Variants in CSMD3 observed in about 807,000 individuals in gnomAD.
CSMD3 encodes CUB and Sushi multiple domains 3.
CSMD3 carries 177 observed loss-of-function variants against 435.2 expected under a neutral mutation model. The observed-to-expected ratio is 0.41, with a 90% CI of 0.36 to 0.46. The LOEUF (loss-of-function observed/expected upper bound fraction) is 0.46, where lower values mean the gene tolerates loss of function less well. Ranked by LOEUF, CSMD3 falls within the 20% of genes least tolerant of loss-of-function variation. The pLI, the probability that CSMD3 is intolerant of heterozygous loss-of-function variation, is 0.34. For synonymous variants in CSMD3, 1,656 were observed against 1,520.5 expected (o/e 1.09, Z -2.07); for missense variants, 4,265 against 4,504.6 (o/e 0.95, Z 1.52).
chr8:113,222,750 T>A (rs575340834), intron 3 of CSMD3, among the ~76,000 whole-genome samples: 2 of 151,264 alleles, frequency 1.3e-5, no homozygotes, highest in African/African-American at 4.8e-5. Flanking sequence ...TTGACCTTTT[T>A]ATTTTAATCA....
intron 38 of CSMD3, among the ~76,000 whole-genome samples, chr8:112,372,185 T>C (rs1377321999): frequency 6.6e-6 from 1 of 151,854 alleles, no homozygotes; most frequent in African/African-American, 2.4e-5. Context: ...GCATGTCAAG[T>C]GGAGGAAATG....
chr8:113,308,738 A>T (rs751423613), intron 2 of CSMD3, among the ~76,000 whole-genome samples: 9 of 152,090 alleles, frequency 5.9e-5, no homozygotes, highest in Non-Finnish European at 1.0e-4. Context: ...TTTTAATGGC[A>T]TAGAAGTTAT....
intron 4 of CSMD3, among the ~76,000 whole-genome samples, chr8:113,164,186 T>A (rs1358234738): frequency 6.6e-6 from 1 of 152,020 alleles, no homozygotes; most frequent in Non-Finnish European, 1.5e-5. Flanking sequence ...CTTGGTTTCA[T>A]CTTACTCTCC....
chr8:112,775,026 C>T (rs1032227135), intron 13 of CSMD3, among the ~76,000 whole-genome samples: 1 of 151,828 alleles, frequency 6.6e-6, no homozygotes, highest in Non-Finnish European at 1.5e-5. Context: ...GGATTATACA[C>T]TGCTTTTTAT....
intron 1 of CSMD3, among the ~76,000 whole-genome samples, chr8:113,358,509 C>T (rs535545133): frequency 6.6e-6 from 1 of 152,100 alleles, no homozygotes; most frequent in Admixed American, 6.5e-5. Flanking sequence ...TATGCCACCA[C>T]GCTTAGCTAA....
intron 35 of CSMD3, among the ~76,000 whole-genome samples, chr8:112,404,034 T>C (rs1045410620): frequency 6.6e-6 from 1 of 152,060 alleles, no homozygotes; most frequent in Admixed American, 6.6e-5. Context: ...AAAAATGCAC[T>C]GTGAAATATG....
Position 112,383,655 on chromosome 8 carries a change from A to G in CSMD3, c.5943T>C (p.Val1981=). ...AATTATGTTCTGTAGCAAAGCTAAC[A>G]ACTTGCACCTGTGAAATAATAATTA... ...VPEGAGIQVQ[V]VSFATEHNWD... is the part of the protein sequence containing the mutation. The change falls in exon 37 of 71, where the codon GTT becomes GTC. Residue 1981 remains valine (V), a synonymous_variant. Transcript: ENST00000297405. The G allele has an allele frequency of 6.3e-7, 1 of 1,593,686 alleles. No homozygotes were observed. The highest frequency in any genetic ancestry group is 8.6e-7 in the Non-Finnish European group (1 of 1,161,494).
chr8:112,898,417 T>C (rs2082011568), intron 10 of CSMD3, among the ~76,000 whole-genome samples: 1 of 151,334 alleles, frequency 6.6e-6, no homozygotes, highest in Non-Finnish European at 1.5e-5. Flanking sequence ...CCAATTTTTA[T>C]GTTACTTGGG....
intron 23 of CSMD3, among the ~76,000 whole-genome samples, chr8:112,584,150 C>T (rs528996623): frequency 6.6e-6 from 1 of 151,714 alleles, no homozygotes; most frequent in Admixed American, 6.6e-5. Flanking sequence ...CTTGGAAGCA[C>T]TACAGTAAAA....
intron 13 of CSMD3, among the ~76,000 whole-genome samples, chr8:112,769,031 T>A (rs1217962668): frequency 6.6e-6 from 1 of 151,938 alleles, no homozygotes; most frequent in Non-Finnish European, 1.5e-5. Context: ...TCAAAGTTTA[T>A]ACATGTAAAA....
intron 45 of CSMD3, among the ~76,000 whole-genome samples, chr8:112,327,471 T>G (rs750441177): frequency 4.6e-5 from 7 of 152,320 alleles, no homozygotes; most frequent in East Asian, 1.9e-4. Flanking sequence ...TCATATAAAT[T>G]ATGTCATCTA....
chr8:112,644,366 C>T (rs4373545), intron 20 of CSMD3, among the ~76,000 whole-genome samples: 82,765 of 151,608 alleles, frequency 0.55, 24,079 homozygotes, highest in African/African-American at 0.76. Context: ...AGTAAGAAAA[C>T]GAATTATTAA....
At chr8:112,757,835 C>G (rs1292247433) in intron 13 of CSMD3, among the ~76,000 whole-genome samples, 52 of 151,318 alleles carry the variant, frequency 3.4e-4, no homozygotes, top group Admixed American at 3.0e-3. Context: ...AGGAGGATTG[C>G]TTGATCCCAA....
intron 3 of CSMD3, among the ~76,000 whole-genome samples, chr8:113,228,264 T>C (rs2093049287): frequency 6.6e-6 from 1 of 151,638 alleles, no homozygotes; most frequent in Non-Finnish European, 1.5e-5. Context: ...CACCTTCCCC[T>C]ATCTCTGCCT....
intron 9 of CSMD3, among the ~76,000 whole-genome samples, chr8:112,930,412 T>G (rs1052629221): frequency 1.3e-5 from 2 of 152,120 alleles, no homozygotes; most frequent in African/African-American, 4.8e-5. Flanking sequence ...CAGAAGACTG[T>G]GGCTCTATAT....
chr8:113,080,924 A>G (rs988889355), intron 5 of CSMD3, among the ~76,000 whole-genome samples: 4 of 152,186 alleles, frequency 2.6e-5, no homozygotes, highest in Non-Finnish European at 1.5e-5. Flanking sequence ...AAAAACTGCT[A>G]TATCTTCTAG....
intron 1 of CSMD3, among the ~76,000 whole-genome samples, chr8:113,366,580 G>A (rs368235622): frequency 6.6e-6 from 1 of 151,992 alleles, no homozygotes; most frequent in Non-Finnish European, 1.5e-5. Context: ...TCTTCATTTT[G>A]TCTTGTATCA....
At chr8:112,400,715 T>C (rs1451048969) in intron 35 of CSMD3, among the ~76,000 whole-genome samples, 1 of 152,188 alleles carries the variant, frequency 6.6e-6, no homozygotes, top group Non-Finnish European at 1.5e-5. Context: ...TAGTTCCTGG[T>C]GTTAGCTACT....
intron 3 of CSMD3, among the ~76,000 whole-genome samples, chr8:113,195,814 TAC>T (rs1015240509): frequency 8.4e-4 from 112 of 133,394 alleles, no homozygotes; most frequent in South Asian, 3.8e-3. Context: ...TATATATATA[TAC>T]ACACACACAC....
Sources: gnomAD v4.1 joint callset for allele counts (sites outside exome capture counted in the v4.1 genomes callset) on GRCh38, gnomAD v4.1.1 for gene constraint, MANE v1.5 for transcripts, NCBI Gene and HGNC (gene_info 2026-07-23, HGNC 2026-07-21) for gene names.